The following ENOSF1 variants were observed in gnomAD, a reference collection of about 807,000 sequenced individuals.
ENOSF1 encodes the protein enolase superfamily member 1, also known as mitochondrial enolase superfamily member 1.
Under a neutral mutation model 68.2 loss-of-function variants are expected in ENOSF1, and 73 were observed. That is an observed-to-expected ratio of 1.07 (90% CI 0.89 to 1.30). The LOEUF (loss-of-function observed/expected upper bound fraction) is 1.30, where lower values mean the gene tolerates loss of function less well. Ranked by LOEUF, ENOSF1 falls within the 50% of genes most tolerant of loss-of-function variation. The pLI is 0.00. For missense variants in ENOSF1, 589 were observed against 554.5 expected (o/e 1.06, Z -0.62); for synonymous variants, 223 against 210.4 (o/e 1.06, Z -0.52).
At chr18:695,596 TTTTTA>T (rs1450327554) in intron 3 of ENOSF1, among the ~76,000 whole-genome samples, 23 of 152,102 alleles carry the variant, frequency 1.5e-4, no homozygotes, top group Admixed American at 3.9e-4. Context: ...CCTTAAAAAT[TTTTTA>T]TTTTATTATT....
At chr18:693,349 T>A (rs1251289657) in intron 5 of ENOSF1, 3 of 1,196,940 alleles carry the variant, frequency 2.5e-6, no homozygotes, top group Admixed American at 3.2e-5. Flanking sequence ...TGAGACAGGG[T>A]CTTGCTCTGT....
At chr18:699,231 G>A (rs1464611472) in intron 2 of ENOSF1, among the ~76,000 whole-genome samples, 1 of 152,166 alleles carries the variant, frequency 6.6e-6, no homozygotes, top group Non-Finnish European at 1.5e-5. Context: ...GGAGGCTGAG[G>A]TGGGTGGATC....
intron 2 of ENOSF1, among the ~76,000 whole-genome samples, chr18:701,456 G>C (rs1424303639): frequency 1.3e-5 from 2 of 149,944 alleles, no homozygotes; most frequent in African/African-American, 4.9e-5. Flanking sequence ...AAAAAATAAA[G>C]TCTTAAAAAA....
chr18:709,379 A>G (rs2847330), intron 1 of ENOSF1, among the ~76,000 whole-genome samples: 92,033 of 152,010 alleles, frequency 0.61, 28,218 homozygotes, highest in African/African-American at 0.72. Context: ...AAGAAGAGGC[A>G]GCCGACAGCG....
At chr18:703,131 T>G (rs1386735297) in intron 2 of ENOSF1, among the ~76,000 whole-genome samples, 1 of 152,154 alleles carries the variant, frequency 6.6e-6, no homozygotes, top group East Asian at 1.9e-4. Flanking sequence ...CCAAAACCCT[T>G]AGCACAAAAG....
chr18:687,097 T>G (rs1190035775), intron 9 of ENOSF1: 1 of 152,190 alleles, frequency 6.6e-6, no homozygotes, highest in Non-Finnish European at 1.5e-5. Context: ...CCTGTGCTGG[T>G]CCTTCTGAGA....
chr18:708,991 G>A (rs761725349), intron 1 of ENOSF1, among the ~76,000 whole-genome samples: 1 of 152,162 alleles, frequency 6.6e-6, no homozygotes, highest in South Asian at 2.1e-4. Flanking sequence ...GGGTCAACAG[G>A]ACGAGATGAG....
chr18:680,972 G>A (rs573779884), intron 11 of ENOSF1, among the ~76,000 whole-genome samples: 31 of 152,086 alleles, frequency 2.0e-4, no homozygotes, highest in Middle Eastern at 3.4e-3. Flanking sequence ...CAGCCTCTCC[G>A]AGTAGCTGGG....
chr18:667,617 G>GGTGATGGTGATGGAGAGGGAGAT (rs201838394), downstream of ENOSF1: 2 of 46,618 alleles, frequency 4.3e-5, 1 homozygote, highest in Non-Finnish European at 8.6e-5. Context: ...TGATGGAGAT[G>GGTGATGGTGATGGAGAGGGAGAT]GGTGATGGTG....
chr18:711,586 G>A (rs1056161234), intron 1 of ENOSF1, among the ~76,000 whole-genome samples: 1 of 152,176 alleles, frequency 6.6e-6, no homozygotes, highest in African/African-American at 2.4e-5. Flanking sequence ...GTGGGGAACA[G>A]GCTCCCTGAA....
At chr18:694,187 T>C (rs2145128093) in intron 4 of ENOSF1, 61 bp downstream of exon 4, 4 of 1,497,364 alleles carry the variant, frequency 2.7e-6, no homozygotes, top group Middle Eastern at 1.7e-4. Flanking sequence ...CCTCTGTGCG[T>C]AGGGAAAGTC....
chr18:688,484 T>C, intron 9 of ENOSF1, 90 bp downstream of exon 9: 2 of 1,578,404 alleles, frequency 1.3e-6, no homozygotes, highest in Non-Finnish European at 1.7e-6. Flanking sequence ...CGTGGGTGCC[T>C]TTTACTCCTT....
intron 7 of ENOSF1, 134 bp from the exon 8 acceptor site, chr18:690,765 C>G (rs2145006825): frequency 1.5e-6 from 2 of 1,299,686 alleles, no homozygotes; most frequent in East Asian, 6.9e-5. Context: ...CACACCCAGC[C>G]ACAAATTACT....
chr18:663,366 T>A, the ENOSF1 span, among the ~76,000 whole-genome samples: 1 of 102,416 alleles, frequency 9.8e-6, no homozygotes, highest in Non-Finnish European at 1.9e-5. Flanking sequence ...TGGGGTTGTT[T>A]GTTTTTTTCT....
chr18:691,626 G>C (rs1479004989), intron 5 of ENOSF1: 5 of 208,556 alleles, frequency 2.4e-5, no homozygotes, highest in Non-Finnish European at 3.8e-5. Flanking sequence ...GGATGACAGG[G>C]GTGGGTTATG....
At chr18:707,204 A>G (rs549947110) in intron 1 of ENOSF1, among the ~76,000 whole-genome samples, 1 of 152,278 alleles carries the variant, frequency 6.6e-6, no homozygotes, top group African/African-American at 2.4e-5. Context: ...TTTAAATAAA[A>G]AAATAGAGAT....
chr18:703,504 T>G (rs1017113598), intron 2 of ENOSF1, among the ~76,000 whole-genome samples: 1 of 152,106 alleles, frequency 6.6e-6, no homozygotes. Flanking sequence ...AAGGGACAAT[T>G]AGAGTTGCAG....
chr18:671,644 T>TA lies in ENOSF1; in HGVS notation c.*2660dup, dbSNP rs769854344. 1.1e-5 allele frequency: 7 copies of TA among 614,660 alleles called. No individual in the cohort carries two copies. The highest frequency in any genetic ancestry group is 3.2e-5 in the Admixed American group (1 of 31,530). The allele number at this position is 614,660 out of a possible 1,614,324, so 38.1% of individuals were successfully genotyped here. Reference sequence around the variant, plus strand: ...ATCTGCCTCAGCAACCATGGGCACTTAACATGTCAGGTGCTGTGAGGTACT... The same window carrying TA: ...ATCTGCCTCAGCAACCATGGGCACTTAAACATGTCAGGTGCTGTGAGGTACT... On this transcript the variant is annotated 3_prime_UTR_variant, in exon 16 of 16. Coordinates refer to ENST00000647584, the MANE Select transcript of ENOSF1 (RefSeq NM_017512.7).
At chr18:681,910 T>C (rs1362106991) in intron 11 of ENOSF1, among the ~76,000 whole-genome samples, 1 of 152,180 alleles carries the variant, frequency 6.6e-6, no homozygotes, top group African/African-American at 2.4e-5. Flanking sequence ...GCTGATTTGC[T>C]GAGAGAAACA....
Sources: gnomAD v4.1 joint callset for allele counts (sites outside exome capture counted in the v4.1 genomes callset) on GRCh38, gnomAD v4.1.1 for gene constraint, MANE v1.5 for transcripts, NCBI Gene and HGNC (gene_info 2026-07-23, HGNC 2026-07-21) for gene names.